KIF13B: variants seen among roughly 807,000 people sequenced by gnomAD.
KIF13B encodes the protein kinesin family member 13B, also known as kinesin-like protein KIF13B.
A neutral mutation model predicts 222.0 loss-of-function variants in KIF13B; 127 were observed. The observed-to-expected ratio is 0.57, with a 90% confidence interval of 0.50 to 0.66. KIF13B has a LOEUF of 0.66. Ranked by LOEUF, KIF13B falls within the 30% of genes least tolerant of loss-of-function variation. The pLI is 0.00. For synonymous variants in KIF13B, 976 were observed against 919.0 expected, an observed-to-expected ratio of 1.06 and a Z score of -1.12; for missense variants, 2,173 against 2,379.0, an observed-to-expected ratio of 0.91 and a Z score of 1.80.
intron 2 of KIF13B, among the ~76,000 whole-genome samples, chr8:29,209,513 A>G (rs1814110286): frequency 6.6e-6 from 1 of 152,158 alleles, no homozygotes; most frequent in South Asian, 2.1e-4. Context: ...CCAAAGACCA[A>G]TTCTAAGAGC....
intron 36 of KIF13B, 26 bp from the exon 37 acceptor site, chr8:29,092,904 T>A: frequency 6.3e-7 from 1 of 1,576,856 alleles, no homozygotes; most frequent in Non-Finnish European, 8.6e-7. Context: ...GGGAAAAAGA[T>A]AAAACAAATA....
At chr8:29,159,178 T>C (rs1333107391) in intron 13 of KIF13B, among the ~76,000 whole-genome samples, 2 of 151,830 alleles carry the variant, frequency 1.3e-5, no homozygotes, top group South Asian at 2.1e-4. Flanking sequence ...TGAAACAGAG[T>C]CTTGCTCTGT....
rs1245742182 is a variant in KIF13B, at chr8:29,256,818, G to A, written c.55+6162C>T. 3.3e-5 allele frequency among the ~76,000 whole-genome samples: 5 copies of A among 152,210 alleles called. No homozygotes were observed. In the East Asian group the frequency reaches 5.8e-4, roughly 18 times the overall value. On this transcript the variant is annotated intron_variant, in intron 1 of 39. Transcript: ENST00000524189. Reference sequence around the variant, plus strand: ...CGCCCAGGCTAGAGTGCAGTGGTGCGATTTCAGCTCACTGCAACCTCCGCC... The same window carrying A: ...CGCCCAGGCTAGAGTGCAGTGGTGCAATTTCAGCTCACTGCAACCTCCGCC...
intron 13 of KIF13B, among the ~76,000 whole-genome samples, chr8:29,159,158 AT>A (rs112993669): frequency 9.4e-4 from 141 of 149,908 alleles, no homozygotes; most frequent in African/African-American, 2.7e-3. Context: ...GTGATAATAC[AT>A]TTTTTTTTTG....
At position 29,099,344 on chromosome 8, in the gene KIF13B, G is replaced by T. The variant is rs1160550492; in HGVS notation, c.4216-103C>A. On this transcript the variant is annotated intron_variant, in intron 35 of 39. Coordinates refer to ENST00000524189, the MANE Select transcript of KIF13B (RefSeq NM_015254.4). ...AAAAAAACTGTTATATATTACTAAA[G>T]CTCCTTTGAATATAAGCTTGATTAC... The T allele has an allele frequency of 1.5e-5, 11 of 749,158 alleles. No individual in the cohort carries two copies. The Admixed American group carries it at 1.6e-4, about 11-fold the overall frequency. The allele number at this position is 749,158 out of a possible 1,614,324, so 46.4% of individuals were successfully genotyped here. A position where few individuals can be genotyped will look rare whatever the true frequency, so the allele number is the denominator to read the frequency against.
intron 37 of KIF13B, among the ~76,000 whole-genome samples, chr8:29,081,985 A>C (rs891489385): frequency 1.3e-5 from 2 of 152,258 alleles, no homozygotes; most frequent in African/African-American, 4.8e-5. Flanking sequence ...AAATTAACTG[A>C]ATCAGTCCCA....
Position 29,142,297 on chromosome 8 carries a change from A to G in KIF13B, c.2194T>C (p.Ser732Pro), listed in dbSNP as rs1162476711. 6.2e-7 allele frequency: 1 copy of G among 1,611,898 alleles called. No homozygotes were observed. Among genetic ancestry groups the G allele is most frequent in the Non-Finnish European group, 8.5e-7 (1 of 1,178,892 alleles). ...TGGATTGCAGGCTCACTAAGAAGAG[A>G]GCCTCGCTGCAAAGAGAGTAAGAAT... Reference protein sequence around the residue: ...SSLDANRKRGSLLSEPAIQVR... With the variant: ...SSLDANRKRGPLLSEPAIQVR... Residue 732 changes from serine (S) to proline (P), a missense_variant, in exon 19 of 40, where the codon TCT (serine) becomes CCT (proline). Ser to Pro is a moderately conservative substitution (Grantham distance 74). This residue lies in a region of KIF13B where 1,480 missense variants were observed against 1,722.8 expected (regional missense o/e 0.86). Transcript: ENST00000524189.
At chr8:29,166,976 C>T (rs777762694) in intron 11 of KIF13B, among the ~76,000 whole-genome samples, 4 of 152,048 alleles carry the variant, frequency 2.6e-5, no homozygotes, top group Non-Finnish European at 4.4e-5. Context: ...ATTTTCATTC[C>T]GACTTCTACC....
intron 2 of KIF13B, among the ~76,000 whole-genome samples, chr8:29,218,394 C>T (rs1340566225): frequency 6.6e-6 from 1 of 152,214 alleles, no homozygotes; most frequent in Admixed American, 6.5e-5. Context: ...TGTTCTCTGT[C>T]AACATCTTGT....
intron 2 of KIF13B, among the ~76,000 whole-genome samples, chr8:29,221,783 C>T (rs1343585379): frequency 1.3e-5 from 2 of 152,048 alleles, no homozygotes; most frequent in East Asian, 1.9e-4. Context: ...GGATAATGCC[C>T]AAAATATTGT....
intron 8 of KIF13B, among the ~76,000 whole-genome samples, chr8:29,178,878 A>G (rs531101651): frequency 6.6e-6 from 1 of 152,338 alleles, no homozygotes; most frequent in Admixed American, 6.5e-5. Flanking sequence ...ATCATAATAA[A>G]ATATGTAAAA....
chr8:29,071,032 CAGGCCCTGG>C lies in KIF13B; in HGVS notation c.5219-275_5219-267del, dbSNP rs1807246088. On this transcript the variant is annotated intron_variant, in intron 39 of 39. Coordinates refer to ENST00000524189, the MANE Select transcript of KIF13B (RefSeq NM_015254.4). The surrounding 1 kb of genome is among the most constrained non-coding windows in gnomAD (Gnocchi z 4.9). ...TCCTGCAGCCTCAGGTAGGAGGTGA[CAGGCCCTGG>C]GGGCCCTGGGGAGTGCCTTGTGGAA... is the stretch of plus-strand genomic sequence containing the variant. Among the ~76,000 whole-genome samples the C allele has an allele frequency of 6.6e-6, 1 of 152,170 alleles. No homozygotes were observed. Among genetic ancestry groups the C allele is most frequent in the African/African-American group, 2.4e-5 (1 of 41,434 alleles).
chr8:29,167,472 A>G lies in KIF13B; in HGVS notation c.1059T>C (p.Ile353=), dbSNP rs757005676. ...CCTCATTCACCACAGCGTGGTTTAC[A>G]ATGTGCTTGGCTCGATCTGCATACC... is the stretch of plus-strand genomic sequence containing the variant. ...TLRYADRAKH[I]VNHAVVNEDP... The change falls in exon 11 of 40, where the codon ATT becomes ATC. Residue 353 remains isoleucine, a synonymous_variant. Transcript: ENST00000524189. 1.9e-6 allele frequency: 3 copies of G among 1,613,816 alleles called. No homozygotes were observed. The highest frequency in any genetic ancestry group is 2.5e-6 in the Non-Finnish European group (3 of 1,179,846).
intron 2 of KIF13B, among the ~76,000 whole-genome samples, chr8:29,214,544 T>A (rs1814388907): frequency 6.6e-6 from 1 of 152,212 alleles, no homozygotes; most frequent in Non-Finnish European, 1.5e-5. Flanking sequence ...TAACAGTGCC[T>A]TCTTTTGTAG....
In KIF13B at chr8:29,116,936, G is replaced by C; in HGVS notation, c.3732C>G (p.Asp1244Glu). Residue 1244 changes from aspartate (D) to glutamate (E), a missense_variant, in exon 31 of 40, where the codon GAC becomes GAG. Asp to Glu is a conservative substitution (Grantham distance 45). Around this residue, in one of 2 missense-constraint regions of KIF13B, gnomAD observed 1,480 missense variants for 1,722.8 expected, o/e 0.86. Coordinates refer to ENST00000524189, the MANE Select transcript of KIF13B (RefSeq NM_015254.4). Reference sequence around the variant, plus strand: ...CGCGCACGATCAGGAACAACCGCTCGTCCACGGGCGTGCCCCTGCTGAGCT... The same window carrying C: ...CGCGCACGATCAGGAACAACCGCTCCTCCACGGGCGTGCCCCTGCTGAGCT... ...CPQLSRGTPV[D>E]ERLFLIVRVT... 6.2e-7 allele frequency: 1 copy of C among 1,612,992 alleles called. No individual in the cohort carries two copies. The highest frequency in any genetic ancestry group is 8.5e-7 in the Non-Finnish European group (1 of 1,179,188).
intron 38 of KIF13B, among the ~76,000 whole-genome samples, chr8:29,073,158 GGGGGATGA>G (rs1807391850): frequency 6.9e-6 from 1 of 145,202 alleles, no homozygotes; most frequent in African/African-American, 2.6e-5. Context: ...GGGACGAGGA[GGGGGATGA>G]GGAGGGGACA....
intron 25 of KIF13B, among the ~76,000 whole-genome samples, chr8:29,126,858 G>A (rs926618751): frequency 6.6e-6 from 1 of 152,148 alleles, no homozygotes; most frequent in African/African-American, 2.4e-5. Flanking sequence ...TGATGTTGAG[G>A]AGTTAATCAC....
At chr8:29,091,341 T>C (rs1215574881) in intron 37 of KIF13B, among the ~76,000 whole-genome samples, 1 of 152,172 alleles carries the variant, frequency 6.6e-6, no homozygotes, top group African/African-American at 2.4e-5. Flanking sequence ...AAAATAGCTT[T>C]AAAGGAGAAT....
chr8:29,074,696 G>C (rs1487252290), intron 38 of KIF13B, among the ~76,000 whole-genome samples: 1 of 152,238 alleles, frequency 6.6e-6, no homozygotes, highest in Non-Finnish European at 1.5e-5. Context: ...GGGTAAAAAG[G>C]TCATTCAGAT....
Sources: gnomAD v4.1 joint callset for allele counts (sites outside exome capture counted in the v4.1 genomes callset) on GRCh38, gnomAD v4.1.1 for gene constraint, gnomAD v4.1.1 regional missense constraint, Gnocchi (gnomAD v3.1) non-coding constraint, MANE v1.5 for transcripts, NCBI Gene and HGNC (gene_info 2026-07-23, HGNC 2026-07-21) for gene names.